RBFOX1: variants seen among roughly 807,000 people sequenced by gnomAD.
RBFOX1 encodes RNA binding protein fox-1 homolog 1.
Under a neutral mutation model 57.7 loss-of-function variants are expected in RBFOX1, and 8 were observed. The observed-to-expected ratio is 0.14, with a 90% CI of 0.08 to 0.25. The LOEUF (loss-of-function observed/expected upper bound fraction) is 0.25, where lower values mean the gene tolerates loss of function less well. Among genes scored for constraint, RBFOX1 ranks in the 10% least tolerant of loss-of-function variants. The pLI is 1.00. For missense variants in RBFOX1, 611 were observed against 548.5 expected, an observed-to-expected ratio of 1.11 and a Z score of -1.14; for synonymous variants, 326 against 222.4, an observed-to-expected ratio of 1.47 and a Z score of -4.15.
intron 1 of RBFOX1, among the ~76,000 whole-genome samples, chr16:6,233,108 G>C (rs1484456510): frequency 6.6e-6 from 1 of 152,162 alleles, no homozygotes; most frequent in African/African-American, 2.4e-5. Context: ...TGCTGGGTGA[G>C]ATAGAGAGAG....
chr16:6,949,018 A>G (rs911217023), intron 3 of RBFOX1, among the ~76,000 whole-genome samples: 12 of 152,178 alleles, frequency 7.9e-5, no homozygotes, highest in Non-Finnish European at 1.8e-4. Context: ...CGATTAAGAA[A>G]AGAAATTCGA....
At chr16:5,765,874 G>A (rs376381488) in intron 3 of RBFOX1, among the ~76,000 whole-genome samples, 10 of 152,290 alleles carry the variant, frequency 6.6e-5, no homozygotes, top group African/African-American at 2.4e-4. Flanking sequence ...CTAGTCTCCC[G>A]TGGAAAAGAC....
chr16:5,659,280 A>G (rs937031397), intron 3 of RBFOX1, among the ~76,000 whole-genome samples: 5 of 136,864 alleles, frequency 3.7e-5, no homozygotes, highest in African/African-American at 1.1e-4. Flanking sequence ...CATTTTTCTT[A>G]TGTTTGTTGG....
At position 7,464,894 on chromosome 16, in the gene RBFOX1, T is replaced by C. The variant is rs150308809; in HGVS notation, c.28-53253T>C. On this transcript the variant is annotated intron_variant, in intron 4 of 15. Transcript: ENST00000550418. Reference sequence around the variant, plus strand: ...TTGTATTTTTAGTAGAGACGGGGTTTCACCGTGTTAGCCAGGATGGTCTCC... The same window carrying C: ...TTGTATTTTTAGTAGAGACGGGGTTCCACCGTGTTAGCCAGGATGGTCTCC... Among the ~76,000 whole-genome samples, 1,293 of 151,966 alleles carry C rather than the reference T, an allele frequency of 8.5e-3. 19 individuals are homozygous for C. Among genetic ancestry groups the C allele is most frequent in the African/African-American group, 0.03 (1,253 of 41,440 alleles).
At chr16:5,590,362 G>A (rs1340370839) in intron 2 of RBFOX1, among the ~76,000 whole-genome samples, 5 of 152,132 alleles carry the variant, frequency 3.3e-5, no homozygotes, top group African/African-American at 4.8e-5. Flanking sequence ...GAAAAGCAGA[G>A]GACTGAAGAG....
At chr16:5,400,565 C>T (rs2066687391) in intron 1 of RBFOX1, among the ~76,000 whole-genome samples, 1 of 152,108 alleles carries the variant, frequency 6.6e-6, no homozygotes, top group African/African-American at 2.4e-5. Flanking sequence ...ATATTCCCTT[C>T]TCATTAAAAA....
chr16:6,498,783 A>G (rs1487129459), intron 2 of RBFOX1, among the ~76,000 whole-genome samples: 1 of 152,208 alleles, frequency 6.6e-6, no homozygotes, highest in Non-Finnish European at 1.5e-5. Flanking sequence ...TCAGAGTCCT[A>G]TTGAGGAAAG....
chr16:6,125,547 A>G (rs923061353), intron 1 of RBFOX1, among the ~76,000 whole-genome samples: 1 of 152,208 alleles, frequency 6.6e-6, no homozygotes, highest in African/African-American at 2.4e-5. Flanking sequence ...TGTGAATGCC[A>G]TATGCCTGGA....
At chr16:6,989,263 C>G (rs1261656135) in intron 3 of RBFOX1, among the ~76,000 whole-genome samples, 5 of 152,190 alleles carry the variant, frequency 3.3e-5, no homozygotes, top group East Asian at 1.9e-4. Flanking sequence ...CATTATTTTT[C>G]TCTTGGGCAG....
At chr16:7,221,895 C>G (rs775497836) in intron 4 of RBFOX1, among the ~76,000 whole-genome samples, 6 of 152,196 alleles carry the variant, frequency 3.9e-5, no homozygotes, top group Non-Finnish European at 8.8e-5. Flanking sequence ...GAGCTGACAT[C>G]TCTTCATGTC....
At chr16:5,560,783 A>G (rs1388916923) in intron 2 of RBFOX1, among the ~76,000 whole-genome samples, 1 of 152,156 alleles carries the variant, frequency 6.6e-6, no homozygotes, top group Non-Finnish European at 1.5e-5. Flanking sequence ...CCATGCTGCC[A>G]AATCTAACAT....
At chr16:7,233,580 A>G (rs2093621123) in intron 4 of RBFOX1, among the ~76,000 whole-genome samples, 1 of 152,172 alleles carries the variant, frequency 6.6e-6, no homozygotes, top group Non-Finnish European at 1.5e-5. Context: ...TAATGTGTAC[A>G]TTGGTGGTAT....
At chr16:6,656,994 TCCCCTTTCCTCTCCTCTCCTCCC>T (rs2098661286) in intron 3 of RBFOX1, among the ~76,000 whole-genome samples, 1 of 114,442 alleles carries the variant, frequency 8.7e-6, no homozygotes, top group Admixed American at 9.4e-5. Context: ...TCTCCTCTCC[TCCCCTTTCCTCTCCTCTCCTCCC>T]CTTTCCTCTC....
At chr16:6,577,010 C>G (rs1213041892) in intron 2 of RBFOX1, 1 of 152,238 alleles carries the variant, frequency 6.6e-6, no homozygotes, top group Non-Finnish European at 1.5e-5. Context: ...TGCCCAGTGA[C>G]ATGTGGGAAG....
At chr16:6,590,653 C>T (rs2097697254) in intron 2 of RBFOX1, among the ~76,000 whole-genome samples, 1 of 152,110 alleles carries the variant, frequency 6.6e-6, no homozygotes, top group Non-Finnish European at 1.5e-5. Flanking sequence ...CCTCTTCATC[C>T]CTGCATTCAG....
chr16:5,860,478 G>A (rs2057185234), intron 3 of RBFOX1, among the ~76,000 whole-genome samples: 2 of 152,190 alleles, frequency 1.3e-5, no homozygotes, highest in African/African-American at 4.8e-5. Context: ...GACTCAGTTT[G>A]TTTAAGAACT....
chr16:5,420,708 A>C (rs526419), intron 1 of RBFOX1, among the ~76,000 whole-genome samples: 1 of 151,806 alleles, frequency 6.6e-6, no homozygotes, highest in Non-Finnish European at 1.5e-5. Context: ...TAATTTTTGT[A>C]TACTTTTGGT....
intron 3 of RBFOX1, among the ~76,000 whole-genome samples, chr16:5,767,543 C>T (rs975808812): frequency 6.6e-5 from 10 of 152,130 alleles, no homozygotes; most frequent in Admixed American, 3.3e-4. Flanking sequence ...TAGACCTGTC[C>T]CTACGAACCC....
At chr16:5,856,208 C>CATATAT (rs2057040042) in intron 3 of RBFOX1, among the ~76,000 whole-genome samples, 1 of 28,560 alleles carries the variant, frequency 3.5e-5, no homozygotes, top group African/African-American at 1.2e-4. Context: ...TATATATATA[C>CATATAT]ATATATATGT....
Sources: gnomAD v4.1 joint callset for allele counts (sites outside exome capture counted in the v4.1 genomes callset) on GRCh38, gnomAD v4.1.1 for gene constraint, MANE v1.5 for transcripts, NCBI Gene and HGNC (gene_info 2026-07-23, HGNC 2026-07-21) for gene names.